CDH13: variants seen among roughly 807,000 people sequenced by gnomAD.
The protein encoded by CDH13 is cadherin 13.
In CDH13, 24 loss-of-function variants were observed where a neutral mutation model predicts 63.8. The observed-to-expected ratio is 0.38, with a 90% CI of 0.27 to 0.53. The LOEUF (loss-of-function observed/expected upper bound fraction) is 0.53, where lower values mean the gene tolerates loss of function less well. Among genes scored for constraint, CDH13 ranks in the 20% least tolerant of loss-of-function variants. The pLI is 0.85. For synonymous variants in CDH13, 503 were observed against 355.3 expected (o/e 1.42, Z -4.67); for missense variants, 1,049 against 903.1 (o/e 1.16, Z -2.07).
intron 1 of CDH13, among the ~76,000 whole-genome samples, chr16:82,659,297 T>C (rs1383042087): frequency 6.6e-6 from 1 of 151,462 alleles, no homozygotes; most frequent in Admixed American, 6.6e-5. Context: ...ACCTCAAAGG[T>C]AGAAACACGT....
At chr16:83,655,918 C>T (rs1164835847) in intron 8 of CDH13, among the ~76,000 whole-genome samples, 2 of 152,180 alleles carry the variant, frequency 1.3e-5, no homozygotes, top group East Asian at 1.9e-4. Flanking sequence ...AATCAAATTA[C>T]CTGAGCGGAG....
intron 2 of CDH13, among the ~76,000 whole-genome samples, chr16:82,965,317 C>T (rs1240053579): frequency 6.6e-6 from 1 of 152,208 alleles, no homozygotes; most frequent in Non-Finnish European, 1.5e-5. Context: ...GAGCTTGGAG[C>T]TGAACAAGGA....
At chr16:82,967,070 C>G (rs946039491) in intron 2 of CDH13, among the ~76,000 whole-genome samples, 31 of 152,090 alleles carry the variant, frequency 2.0e-4, no homozygotes, top group African/African-American at 7.2e-4. Flanking sequence ...TTCTGTCTTT[C>G]GTGACCATGA....
chr16:83,553,806 C>G (rs1567759022), intron 7 of CDH13, among the ~76,000 whole-genome samples: 1 of 152,242 alleles, frequency 6.6e-6, no homozygotes, highest in African/African-American at 2.4e-5. Context: ...ATCCACCTGC[C>G]TTGGCCTCCC....
intron 1 of CDH13, among the ~76,000 whole-genome samples, chr16:82,704,215 T>C (rs905730825): frequency 6.6e-6 from 1 of 152,132 alleles, no homozygotes. Context: ...TTCAGCAGGC[T>C]CTAGGGGCAC....
At chr16:83,547,981 G>T (rs562229323) in intron 7 of CDH13, among the ~76,000 whole-genome samples, 5 of 152,154 alleles carry the variant, frequency 3.3e-5, no homozygotes, top group Non-Finnish European at 7.4e-5. Flanking sequence ...ATCTTCCTTG[G>T]TATCTGCAGA....
chr16:83,027,752 T>C (rs1915951214), intron 2 of CDH13, among the ~76,000 whole-genome samples: 1 of 152,288 alleles, frequency 6.6e-6, no homozygotes, highest in South Asian at 2.1e-4. Flanking sequence ...CCATTCTAAC[T>C]TCCTTCAATT....
intron 10 of CDH13, among the ~76,000 whole-genome samples, chr16:83,680,990 C>T (rs1251398524): frequency 2.0e-5 from 3 of 152,046 alleles, no homozygotes; most frequent in Non-Finnish European, 2.9e-5. Flanking sequence ...CAGCAAACAC[C>T]TCTCCTTGAT....
chr16:83,510,665 A>G (rs1442415337), intron 7 of CDH13, among the ~76,000 whole-genome samples: 2 of 152,156 alleles, frequency 1.3e-5, no homozygotes, highest in East Asian at 1.9e-4. Flanking sequence ...CTCAACACCA[A>G]TGTTTCATCT....
chr16:82,789,191 G>T (rs1024276587), intron 1 of CDH13, among the ~76,000 whole-genome samples: 19 of 152,132 alleles, frequency 1.2e-4, no homozygotes, highest in African/African-American at 4.3e-4. Flanking sequence ...GCCATTCTTG[G>T]TCATCCAGTC....
chr16:83,618,289 G>C (rs995211075), intron 8 of CDH13, among the ~76,000 whole-genome samples: 4 of 152,088 alleles, frequency 2.6e-5, no homozygotes, highest in African/African-American at 9.7e-5. Flanking sequence ...GCCAGGCATG[G>C]TGGCATGTGC....
At chr16:83,363,513 A>G (rs1031855545) in intron 6 of CDH13, among the ~76,000 whole-genome samples, 3 of 152,206 alleles carry the variant, frequency 2.0e-5, no homozygotes, top group Non-Finnish European at 1.5e-5. Context: ...GCATTTCCCA[A>G]GCTTTTATTA....
At chr16:83,073,974 T>C (rs530355928) in intron 3 of CDH13, among the ~76,000 whole-genome samples, 2 of 152,338 alleles carry the variant, frequency 1.3e-5, no homozygotes, top group East Asian at 1.9e-4. Flanking sequence ...CAATCATTTA[T>C]CATTTCTATG....
At chr16:83,314,741 T>A (rs1184241117) in intron 5 of CDH13, among the ~76,000 whole-genome samples, 1 of 152,242 alleles carries the variant, frequency 6.6e-6, no homozygotes, top group Non-Finnish European at 1.5e-5. Context: ...CATGGGTACA[T>A]CATGCTGTAG....
At chr16:82,713,806 G>GGA (rs1567457107) in intron 1 of CDH13, among the ~76,000 whole-genome samples, 1 of 120,058 alleles carries the variant, frequency 8.3e-6, no homozygotes, top group Non-Finnish European at 1.8e-5. Flanking sequence ...CTGTATTTGT[G>GGA]AAAAAAAAAA....
intron 4 of CDH13, among the ~76,000 whole-genome samples, chr16:83,147,632 A>T (rs2036806555): frequency 6.6e-6 from 1 of 152,122 alleles, no homozygotes; most frequent in South Asian, 2.1e-4. Context: ...TCCTTTCCAG[A>T]GTCAGAGTGG....
At chr16:83,564,258 A>G (rs2075754461) in intron 7 of CDH13, among the ~76,000 whole-genome samples, 1 of 152,180 alleles carries the variant, frequency 6.6e-6, no homozygotes, top group African/African-American at 2.4e-5. Context: ...AAAATCTAGC[A>G]AGAAAAAATG....
chr16:82,687,461 A>G (rs1038317328), intron 1 of CDH13, among the ~76,000 whole-genome samples: 6 of 152,176 alleles, frequency 3.9e-5, no homozygotes, highest in Admixed American at 3.3e-4. Flanking sequence ...ACAGTTCCAC[A>G]TGGCTGGGGA....
chr16:83,358,368 C>G (rs1361805662), intron 6 of CDH13, among the ~76,000 whole-genome samples: 1 of 152,178 alleles, frequency 6.6e-6, no homozygotes. Flanking sequence ...CCACCTTGCT[C>G]TGTGACACGG....
Sources: gnomAD v4.1 joint callset for allele counts (sites outside exome capture counted in the v4.1 genomes callset) on GRCh38, gnomAD v4.1.1 for gene constraint, MANE v1.5 for transcripts, NCBI Gene and HGNC (gene_info 2026-07-23, HGNC 2026-07-21) for gene names.